Variants in SI observed in about 807,000 individuals in gnomAD.
SI encodes the protein sucrase-isomaltase, intestinal.
Under a neutral mutation model 253.3 loss-of-function variants are expected in SI, and 235 were observed. The ratio of observed to expected loss-of-function variants is 0.93; its 90% CI spans 0.83 to 1.03. SI has a LOEUF of 1.03. SI is among the 50% of genes least tolerant of loss of function. SI has a pLI of 0.00. For missense variants in SI, 2,442 were observed against 2,211.1 expected (o/e 1.10, Z -2.09); for synonymous variants, 819 against 712.0 (o/e 1.15, Z -2.39).
chr3:165,008,403 G>A (rs755077753), intron 35 of SI, among the ~76,000 whole-genome samples: 6 of 151,862 alleles, frequency 4.0e-5, no homozygotes, highest in Non-Finnish European at 7.4e-5. Flanking sequence ...ATTTCAAGAA[G>A]TATCTCTATT....
chr3:165,041,036 T>C lies in SI; in HGVS notation c.2063A>G (p.Tyr688Cys). 1.9e-6 allele frequency: 3 copies of C among 1,612,854 alleles called. No individual in the cohort carries two copies. Among genetic ancestry groups the C allele is most frequent in the Non-Finnish European group, 2.5e-6 (3 of 1,179,186 alleles). The change falls in exon 18 of 48, where the codon TAT becomes TGT. Residue 688 changes from tyrosine to cysteine, a missense_variant. Transcript: ENST00000264382. ...TAATAAGGTGTAGCGAATAGTTAAA[T>C]ACTGCCTTGATGATTTAACCAAAAG... ...NSLLVKSSRQ[Y>C]LTIRYTLLPF...
intron 37 of SI, among the ~76,000 whole-genome samples, chr3:165,000,008 AT>A (rs1294050245): frequency 4.0e-5 from 6 of 151,384 alleles, no homozygotes; most frequent in East Asian, 1.9e-4. Context: ...CATTACATAT[AT>A]TTTTTTGAAA....
At chr3:165,032,233 T>A (rs1214917584) in intron 24 of SI, among the ~76,000 whole-genome samples, 1 of 151,180 alleles carries the variant, frequency 6.6e-6, no homozygotes, top group Non-Finnish European at 1.5e-5. Context: ...AGAATTTTTA[T>A]GGAAAATATT....
chr3:164,987,356 A>T (rs1483637897), intron 44 of SI, 130 bp from the exon 45 acceptor site: 2 of 712,038 alleles, frequency 2.8e-6, no homozygotes, highest in African/African-American at 3.6e-5. Context: ...TTAGACTAAG[A>T]AAATTAAAGC....
At chr3:165,056,087 GCAA>G (rs1019015228) in intron 12 of SI, among the ~76,000 whole-genome samples, 49 of 152,020 alleles carry the variant, frequency 3.2e-4, no homozygotes, top group Middle Eastern at 3.2e-3. Flanking sequence ...ATCACATTAG[GCAA>G]GGAGAATTTA....
chr3:165,041,893 A>G (rs1560003732), intron 17 of SI, among the ~76,000 whole-genome samples: 1 of 152,072 alleles, frequency 6.6e-6, no homozygotes, highest in Non-Finnish European at 1.5e-5. Flanking sequence ...ATGCAGGCCT[A>G]TTCTTGGGAG....
rs1278394456 is a variant in SI at position 165,043,149 on chromosome 3, C to T, written c.1914G>A (p.Val638=). Reference sequence around the variant, plus strand: ...TGCAAAGTTCTTCTGTGGTTTCAGCCACAAATCCACAGATGTCTGCTCCAA... The same window carrying T: ...TGCAAAGTTCTTCTGTGGTTTCAGCTACAAATCCACAGATGTCTGCTCCAA... ...PLVGADICGF[V]AETTEELCRR... Residue 638 remains valine, a synonymous_variant, in exon 17 of 48, where the codon GTG becomes GTA. Coordinates refer to ENST00000264382, the MANE Select transcript of SI (RefSeq NM_001041.4). 9 of 1,610,984 alleles carry T rather than the reference C, an allele frequency of 5.6e-6. No individual in the cohort carries two copies. The African/African-American group carries it at 1.1e-4, about 19-fold the overall frequency.
chr3:165,013,060 T>A lies in SI; in HGVS notation c.4000-18A>T. On this transcript the variant is annotated intron_variant, in intron 33 of 47. Transcript: ENST00000264382. ...GGCCAAACCTACAAGAGACAAGACA[T>A]GGAAAAGCTGATCAAAACATAGTCA... 2 of 1,533,794 alleles carry A rather than the reference T, an allele frequency of 1.3e-6. No homozygotes were observed. Among genetic ancestry groups the A allele is most frequent in the Non-Finnish European group, 1.8e-6 (2 of 1,107,018 alleles).
chr3:165,052,159 TGTA>T (rs368639802), intron 13 of SI, among the ~76,000 whole-genome samples: 160 of 152,302 alleles, frequency 1.1e-3, no homozygotes, highest in African/African-American at 3.7e-3. Flanking sequence ...ATTTATCTAT[TGTA>T]GTGTTTTTAA....
chr3:165,017,152 A>C (rs984770747), intron 31 of SI, among the ~76,000 whole-genome samples: 8 of 151,908 alleles, frequency 5.3e-5, no homozygotes, highest in African/African-American at 1.9e-4. Context: ...GCAAAAAAAA[A>C]ATTAGTTCCA....
intron 7 of SI, among the ~76,000 whole-genome samples, chr3:165,063,926 T>G (rs1714098666): frequency 6.6e-6 from 1 of 150,678 alleles, no homozygotes; most frequent in Non-Finnish European, 1.5e-5. Flanking sequence ...AAAAATTAGC[T>G]GGGGGTGGTG....
At chr3:164,988,162 C>G (rs1425833628) in intron 44 of SI, among the ~76,000 whole-genome samples, 3 of 152,052 alleles carry the variant, frequency 2.0e-5, no homozygotes, top group Non-Finnish European at 2.9e-5. Context: ...TTTACCAGAC[C>G]AATTGTTTTA....
rs1435738116 is a variant in SI, at chr3:165,055,338, TA to T, written c.1399-32del. 1.5e-5 allele frequency: 17 copies of T among 1,117,930 alleles called. No individual in the cohort carries two copies. The East Asian group carries it at 1.9e-4, about 13-fold the overall frequency. The allele number at this position is 1,117,930 out of a possible 1,614,324, so 69.3% of individuals were successfully genotyped here. On this transcript the variant is annotated intron_variant, in intron 12 of 47. Coordinates refer to ENST00000264382, the MANE Select transcript of SI (RefSeq NM_001041.4). Reference sequence around the variant, plus strand: ...AGAATAGATCATTCACATATATACATAAAAAATAGAAAAATAAATAAATGGA... The same window carrying T: ...AGAATAGATCATTCACATATATACATAAAAATAGAAAAATAAATAAATGGA...
intron 21 of SI, 22 bp from the exon 22 acceptor site, chr3:165,036,499 A>C (rs1712538487): frequency 1.3e-6 from 2 of 1,517,024 alleles, no homozygotes; most frequent in Non-Finnish European, 9.1e-7. Context: ...AATTAGGTGC[A>C]TATATGGTTA....
At chr3:165,035,040 C>G (rs1018507188) in intron 22 of SI, among the ~76,000 whole-genome samples, 1 of 151,852 alleles carries the variant, frequency 6.6e-6, no homozygotes, top group Non-Finnish European at 1.5e-5. Context: ...TAGCCCATTC[C>G]AAGGTGTTGG....
chr3:165,058,549 A>G (rs1713814540), intron 12 of SI, among the ~76,000 whole-genome samples: 1 of 152,026 alleles, frequency 6.6e-6, no homozygotes, highest in Non-Finnish European at 1.5e-5. Context: ...TAAGAAAAAA[A>G]GCAAGGCCCA....
At chr3:165,019,568 T>C in intron 28 of SI, 34 bp downstream of exon 28, 2 of 1,600,674 alleles carry the variant, frequency 1.2e-6, no homozygotes, top group Non-Finnish European at 1.7e-6. Flanking sequence ...ATGGTCTTAG[T>C]TGCCTCGTGG....
chr3:164,990,794 G>T (rs1428064255), intron 44 of SI, among the ~76,000 whole-genome samples: 1 of 151,868 alleles, frequency 6.6e-6, no homozygotes, highest in African/African-American at 2.4e-5. Flanking sequence ...TATACCTAAT[G>T]TTAAAAAGAC....
intron 47 of SI, among the ~76,000 whole-genome samples, chr3:164,980,094 A>G (rs1447020012): frequency 2.6e-5 from 4 of 151,976 alleles, no homozygotes; most frequent in East Asian, 3.9e-4. Flanking sequence ...TTTAGCTCAG[A>G]AAGTTTGGAT....
Sources: gnomAD v4.1 joint callset for allele counts (sites outside exome capture counted in the v4.1 genomes callset) on GRCh38, gnomAD v4.1.1 for gene constraint, MANE v1.5 for transcripts, NCBI Gene and HGNC (gene_info 2026-07-23, HGNC 2026-07-21) for gene names.